Variants in CCDC93 observed in about 807,000 individuals in gnomAD.
CCDC93 encodes coiled-coil domain-containing protein 93.
Under a neutral mutation model 108.2 loss-of-function variants are expected in CCDC93, and 61 were observed. The ratio of observed to expected loss-of-function variants is 0.56; its 90% CI spans 0.46 to 0.70. The LOEUF (loss-of-function observed/expected upper bound fraction) is 0.70, where lower values mean the gene tolerates loss of function less well. CCDC93 is among the 30% of genes least tolerant of loss of function. CCDC93 has a pLI of 0.00. For missense variants in CCDC93, 685 were observed against 764.2 expected (o/e 0.90, Z 1.22); for synonymous variants, 276 against 260.4 (o/e 1.06, Z -0.58).
chr2:117,975,057 GGTGT>G (rs1679890704), intron 9 of CCDC93, 127 bp downstream of exon 9: 1 of 1,026,828 alleles, frequency 9.7e-7, no homozygotes, highest in Admixed American at 1.8e-5. Context: ...GAAACTGGAA[GGTGT>G]GAAAGACCTG....
intron 16 of CCDC93, 106 bp from the exon 17 acceptor site, chr2:117,945,688 A>G (rs1276597665): frequency 1.1e-6 from 1 of 904,188 alleles, no homozygotes; most frequent in Non-Finnish European, 1.8e-6. Context: ...ATAAGGGTGC[A>G]GCTGAGAAAT....
intron 23 of CCDC93, among the ~76,000 whole-genome samples, chr2:117,925,808 AAT>A (rs1399784863): frequency 6.6e-6 from 1 of 152,216 alleles, no homozygotes; most frequent in African/African-American, 2.4e-5. Flanking sequence ...AAATCAACAG[AAT>A]ATACATTCTT....
intron 4 of CCDC93, chr2:117,996,843 A>C (rs563921673): frequency 6.5e-6 from 1 of 153,820 alleles, no homozygotes; most frequent in Non-Finnish European, 1.4e-5. Context: ...AGAGAATGCT[A>C]GTGTAACTCC....
intron 7 of CCDC93, 63 bp from the exon 8 acceptor site, chr2:117,978,093 G>A: frequency 1.4e-6 from 2 of 1,454,378 alleles, no homozygotes; most frequent in Non-Finnish European, 9.6e-7. Flanking sequence ...TCAGTGAAAT[G>A]CATTTTGGTT....
At position 117,941,368 on chromosome 2, in the gene CCDC93, A is replaced by G. The variant is rs1296054019; in HGVS notation, c.1414-71T>C. 2.4e-6 allele frequency: 3 copies of G among 1,236,682 alleles called. No homozygotes were observed. The African/African-American group carries it at 4.4e-5, about 18-fold the overall frequency. The allele number at this position is 1,236,682 out of a possible 1,614,324, so 76.6% of individuals were successfully genotyped here. ...CTTACATGTTCTCTAGGGAGCCAAA[A>G]TATTGCCTGCACCCCGACCTGAGCC... On this transcript the variant is annotated intron_variant, in intron 18 of 23. Coordinates refer to ENST00000376300, the MANE Select transcript of CCDC93 (RefSeq NM_019044.5).
chr2:117,989,300 T>C (rs927055630), intron 6 of CCDC93, among the ~76,000 whole-genome samples: 1 of 152,076 alleles, frequency 6.6e-6, no homozygotes, highest in African/African-American at 2.4e-5. Flanking sequence ...CCAAGACACA[T>C]GAGCCTCCTC....
intron 11 of CCDC93, among the ~76,000 whole-genome samples, chr2:117,964,481 C>T (rs1679492195): frequency 6.6e-6 from 1 of 152,138 alleles, no homozygotes. Context: ...TCCTGGAAAG[C>T]AAACATTCTA....
chr2:117,932,391 T>C (rs1333798262), intron 22 of CCDC93, among the ~76,000 whole-genome samples: 1 of 152,184 alleles, frequency 6.6e-6, no homozygotes, highest in Non-Finnish European at 1.5e-5. Flanking sequence ...CCCTCCACAC[T>C]ATAGGCTTCT....
At position 117,920,298 on chromosome 2, in the gene CCDC93, T is replaced by G. The variant is rs774992107; in HGVS notation, c.*45A>C. The G allele has an allele frequency of 6.5e-6, 9 of 1,382,250 alleles. No individual in the cohort carries two copies. The African/African-American group carries it at 1.1e-4, about 17-fold the overall frequency. The allele number at this position is 1,382,250 out of a possible 1,614,324, so 85.6% of individuals were successfully genotyped here. A position where few individuals can be genotyped will look rare whatever the true frequency, so the allele number is the denominator to read the frequency against. On this transcript the variant is annotated 3_prime_UTR_variant, in exon 24 of 24. Coordinates refer to ENST00000376300, the MANE Select transcript of CCDC93 (RefSeq NM_019044.5). ...TCATGATCTTGTAGGTGATATACGG[T>G]GCTTAAAAGTAAAATCAATGACATA...
At chr2:118,008,869 CTG>C in intron 1 of CCDC93, 1 of 530,692 alleles carries the variant, frequency 1.9e-6, no homozygotes, top group East Asian at 3.2e-5. Context: ...CCTCAACGGG[CTG>C]TTAATCTTCA....
chr2:117,945,920 G>T (rs1352912558), intron 16 of CCDC93, among the ~76,000 whole-genome samples: 3 of 152,210 alleles, frequency 2.0e-5, no homozygotes, highest in African/African-American at 7.2e-5. Context: ...TCAAACTGAT[G>T]ATTTGAGCTT....
chr2:117,931,008 C>T, intron 23 of CCDC93, 29 bp downstream of exon 23: 1 of 1,444,916 alleles, frequency 6.9e-7, no homozygotes, highest in South Asian at 1.2e-5. Flanking sequence ...TCACGTTAGC[C>T]TTAATGTGCT....
At chr2:117,991,621 G>A (rs796702901) in intron 6 of CCDC93, among the ~76,000 whole-genome samples, 17 of 152,198 alleles carry the variant, frequency 1.1e-4, no homozygotes, top group African/African-American at 4.1e-4. Context: ...TGTTAACGAG[G>A]GATAAAGGAG....
chr2:117,958,609 G>A (rs770916993), intron 11 of CCDC93, 128 bp from the exon 12 acceptor site: 45 of 673,142 alleles, frequency 6.7e-5, no homozygotes, highest in Non-Finnish European at 1.1e-4. Context: ...GGCATTTACA[G>A]AGGCCTGTTC....
intron 8 of CCDC93, among the ~76,000 whole-genome samples, chr2:117,976,604 A>C (rs1335486238): frequency 1.3e-5 from 2 of 152,238 alleles, no homozygotes; most frequent in Non-Finnish European, 2.9e-5. Context: ...TTTACATTTC[A>C]ATCTTCACAA....
intron 5 of CCDC93, 90 bp from the exon 6 acceptor site, chr2:117,995,592 T>C: frequency 2.0e-6 from 2 of 984,016 alleles, no homozygotes; most frequent in South Asian, 2.7e-5. Flanking sequence ...AATTGACTTC[T>C]CATCTCATCA....
intron 21 of CCDC93, 65 bp from the exon 22 acceptor site, chr2:117,935,644 G>T: frequency 1.7e-6 from 2 of 1,180,388 alleles, no homozygotes; most frequent in Non-Finnish European, 1.3e-6. Context: ...GAAATGCCAA[G>T]CAGTCAGCTC....
chr2:117,951,197 T>C, intron 13 of CCDC93: 5 of 985,418 alleles, frequency 5.1e-6, no homozygotes, highest in Non-Finnish European at 4.8e-6. Flanking sequence ...GCAAACTTCA[T>C]GCCAGGGGCT....
intron 8 of CCDC93, among the ~76,000 whole-genome samples, chr2:117,977,722 T>C (rs1171148161): frequency 6.6e-6 from 1 of 152,192 alleles, no homozygotes; most frequent in Non-Finnish European, 1.5e-5. Flanking sequence ...ACCTTCATAC[T>C]GCAGAGCCAC....
Sources: gnomAD v4.1 joint callset for allele counts (sites outside exome capture counted in the v4.1 genomes callset) on GRCh38, gnomAD v4.1.1 for gene constraint, MANE v1.5 for transcripts, NCBI Gene and HGNC (gene_info 2026-07-23, HGNC 2026-07-21) for gene names.